FKBP7: variants seen among roughly 807,000 people sequenced by gnomAD.
FKBP7 encodes the protein peptidyl-prolyl cis-trans isomerase FKBP7.
FKBP7 carries 24 observed loss-of-function variants against 24.3 expected under a neutral mutation model. The ratio of observed to expected loss-of-function variants is 0.99; its 90% CI spans 0.72 to 1.39. The LOEUF is 1.39. FKBP7 is among the 40% of genes most tolerant of loss of function. The pLI is 0.00. For missense variants in FKBP7, 257 were observed against 269.5 expected (o/e 0.95, Z 0.33); for synonymous variants, 98 against 92.8 (o/e 1.06, Z -0.32).
intron 2 of FKBP7, chr2:178,473,224 AAC>A: frequency 1.8e-6 from 1 of 552,682 alleles, no homozygotes; most frequent in Non-Finnish European, 3.2e-6. Context: ...TTGTTTGTTA[AAC>A]AGTTACTTAA....
chr2:178,469,514 A>T (rs1408490270), intron 3 of FKBP7, 138 bp downstream of exon 3: 1 of 888,500 alleles, frequency 1.1e-6, no homozygotes, highest in African/African-American at 1.7e-5. Flanking sequence ...CGCTTAGATT[A>T]TTTTTTAGTG....
intron 2 of FKBP7, among the ~76,000 whole-genome samples, chr2:178,476,109 A>T (rs1684990560): frequency 6.6e-6 from 1 of 152,254 alleles, no homozygotes; most frequent in Non-Finnish European, 1.5e-5. Flanking sequence ...TAATAATAAC[A>T]TATGCTGAAA....
intron 2 of FKBP7, among the ~76,000 whole-genome samples, chr2:178,474,696 T>A (rs1292589141): frequency 6.7e-6 from 1 of 148,834 alleles, no homozygotes; most frequent in African/African-American, 2.5e-5. Flanking sequence ...TCTTGTCCAC[T>A]TTTTTTTTTG....
chr2:178,475,505 C>T (rs554584713), intron 2 of FKBP7, among the ~76,000 whole-genome samples: 1 of 152,284 alleles, frequency 6.6e-6, no homozygotes, highest in East Asian at 1.9e-4. Context: ...GCTGGAATTA[C>T]AGGCATGAGC....
At chr2:178,472,927 T>TAAAATATAAAAAAGAGG in intron 2 of FKBP7, 1 of 220,228 alleles carries the variant, frequency 4.5e-6, no homozygotes, top group South Asian at 6.0e-5. Flanking sequence ...TAAAAAAAAC[T>TAAAATATAAAAAAGAGG]AAAGTATAAA....
Position 178,478,580 on chromosome 2 carries a change from G to A in FKBP7, c.-81C>T. 1 of 1,581,296 alleles carries A rather than the reference G, an allele frequency of 6.3e-7. No homozygotes were observed. On this transcript the variant is annotated 5_prime_UTR_variant, in exon 1 of 4. Coordinates refer to ENST00000424785, the MANE Select transcript of FKBP7 (RefSeq NM_181342.3). ...TCCCGCGGCCGAGTTCCGACGCGTGGCAGGCGTTGTCCTGCGTCACAAAGG... is the reference window on the plus strand; with the variant it reads ...TCCCGCGGCCGAGTTCCGACGCGTGACAGGCGTTGTCCTGCGTCACAAAGG...
rs1269269090 is a variant in FKBP7 at position 178,464,561 on chromosome 2, C to A, written c.*1209G>T. On this transcript the variant is annotated 3_prime_UTR_variant, in exon 4 of 4. Coordinates refer to ENST00000424785, the MANE Select transcript of FKBP7 (RefSeq NM_181342.3). ...TGCATGAGAACAGCACGGGGAAAAC[C>A]ACCCCCATGATTCAGTTACCTCCAC... The A allele has an allele frequency of 1.3e-5, 2 of 152,168 alleles. No individual in the cohort carries two copies. Among genetic ancestry groups the A allele is most frequent in the Non-Finnish European group, 1.5e-5 (1 of 68,032 alleles). The allele number at this position is 152,168 out of a possible 1,614,324, so 9.4% of individuals were successfully genotyped here.
chr2:178,476,793 T>G (rs1052907628), intron 2 of FKBP7, among the ~76,000 whole-genome samples: 3 of 150,384 alleles, frequency 2.0e-5, no homozygotes, highest in Non-Finnish European at 4.4e-5. Context: ...TTCTACCACC[T>G]TGGCCTCCCA....
At chr2:178,466,160 G>A (rs1684650576) in intron 3 of FKBP7, among the ~76,000 whole-genome samples, 1 of 152,090 alleles carries the variant, frequency 6.6e-6, no homozygotes, top group Non-Finnish European at 1.5e-5. Flanking sequence ...ATGGTTAGTG[G>A]TACATACTCG....
At chr2:178,472,918 A>T (rs373819674) in intron 2 of FKBP7, 11,795 of 224,922 alleles carry the variant, frequency 0.052, 362 homozygotes, top group South Asian at 0.061. Flanking sequence ...TTTTTTTTTT[A>T]AAAAAAACTA....
chr2:178,470,871 ATTTTTAT>A, intron 2 of FKBP7, among the ~76,000 whole-genome samples: 1 of 152,050 alleles, frequency 6.6e-6, no homozygotes, highest in Non-Finnish European at 1.5e-5. Flanking sequence ...TTGAATACCT[ATTTTTAT>A]TTTTATTTAT....
At chr2:178,473,505 A>T (rs1684915886) in intron 2 of FKBP7, among the ~76,000 whole-genome samples, 1 of 152,226 alleles carries the variant, frequency 6.6e-6, no homozygotes, top group Non-Finnish European at 1.5e-5. Flanking sequence ...TTAAGAGCTT[A>T]GGCAGCCTGG....
chr2:178,469,707 A>G lies in FKBP7; in HGVS notation c.452T>C (p.Ile151Thr), dbSNP rs1684794898. The change falls in exon 3 of 4, where the codon ATT becomes ACT. Residue 151 changes from isoleucine (I) to threonine (T), a missense_variant. Ile to Thr is a moderately conservative substitution (Grantham distance 89). Coordinates refer to ENST00000424785, the MANE Select transcript of FKBP7 (RefSeq NM_181342.3). ...CATGTCTATTTGTTTAAATGTCTCA[A>G]TGCTCCGTGGTCCTTTGGTCACAGC... ...LYAVTKGPRS[I>T]ETFKQIDMDN... The G allele has an allele frequency of 1.1e-5, 18 of 1,613,920 alleles. No homozygotes were observed. The highest frequency in any genetic ancestry group is 1.6e-4 in the Middle Eastern group (1 of 6,084).
chr2:178,464,076 G>T lies in FKBP7; in HGVS notation c.*1694C>A, dbSNP rs1238420010. The T allele has an allele frequency of 6.6e-6, 1 of 152,148 alleles. No individual in the cohort carries two copies. The highest frequency in any genetic ancestry group is 2.4e-5 in the African/African-American group (1 of 41,446). The allele number at this position is 152,148 out of a possible 1,614,324, so 9.4% of individuals were successfully genotyped here. On this transcript the variant is annotated 3_prime_UTR_variant, in exon 4 of 4. Transcript: ENST00000424785. ...GTGTCAAATTATGTGCTAGCCATAT[G>T]TATTATTTACTAATCTCATGGTTGT...
intron 2 of FKBP7, chr2:178,473,228 G>A: frequency 1.9e-6 from 1 of 516,564 alleles, no homozygotes; most frequent in Non-Finnish European, 3.6e-6. Context: ...TTGTTAAACA[G>A]TTACTTAAGG....
At chr2:178,469,969 GTTTTT>G (rs993410016) in intron 2 of FKBP7, among the ~76,000 whole-genome samples, 184 bp from the exon 3 acceptor site, 3 of 142,998 alleles carry the variant, frequency 2.1e-5, no homozygotes, top group Non-Finnish European at 4.6e-5. Flanking sequence ...TTTCTTTTTT[GTTTTT>G]TTTTCTCTTT....
intron 2 of FKBP7, among the ~76,000 whole-genome samples, chr2:178,471,189 A>C (rs576874678): frequency 1.3e-5 from 2 of 149,252 alleles, no homozygotes; most frequent in South Asian, 4.2e-4. Flanking sequence ...TAATTAAGTT[A>C]ACCTATTAGC....
Position 178,478,412 on chromosome 2 carries a change from CCT to C in FKBP7, c.86_87del (p.Glu29GlyfsTer19). 1 of 1,614,188 alleles carries C rather than the reference CCT, an allele frequency of 6.2e-7. No individual in the cohort carries two copies. The highest frequency in any genetic ancestry group is 1.1e-5 in the South Asian group (1 of 91,090). The part of the protein sequence containing the change: ...GLFTAQRQKK[E>X]ESTEEVKIEV... ...TCTATTTTCACTTCTTCGGTGCTCT[CCT>C]CTTTCTTTTGTCTCTGAGCAGTAAA... On this transcript the variant is annotated frameshift_variant, in exon 1 of 4. Transcript: ENST00000424785. LOFTEE classifies it high-confidence loss of function.
intron 3 of FKBP7, among the ~76,000 whole-genome samples, chr2:178,466,848 G>C (rs1459057984): frequency 6.6e-6 from 1 of 152,176 alleles, no homozygotes; most frequent in African/African-American, 2.4e-5. Flanking sequence ...ATCATCTGGA[G>C]GTAATGTTCA....
Sources: gnomAD v4.1 joint callset for allele counts (sites outside exome capture counted in the v4.1 genomes callset) on GRCh38, gnomAD v4.1.1 for gene constraint, MANE v1.5 for transcripts, NCBI Gene and HGNC (gene_info 2026-07-23, HGNC 2026-07-21) for gene names.